THSD4: variants seen among roughly 807,000 people sequenced by gnomAD.
The protein encoded by THSD4 is thrombospondin type-1 domain-containing protein 4.
THSD4 carries 69 observed loss-of-function variants against 119.0 expected under a neutral mutation model. The observed-to-expected ratio is 0.58, with a 90% CI of 0.48 to 0.71. The LOEUF is 0.71. Among genes scored for constraint, THSD4 ranks in the 30% least tolerant of loss-of-function variants. THSD4 has a pLI of 0.00. For missense variants in THSD4, 1,393 were observed against 1,391.1 expected (o/e 1.00, Z -0.02); for synonymous variants, 524 against 540.4 (o/e 0.97, Z 0.42).
intron 3 of THSD4, among the ~76,000 whole-genome samples, chr15:71,174,487 CG>C (rs2043423115): frequency 1.5e-5 from 2 of 130,566 alleles, no homozygotes; most frequent in South Asian, 3.0e-4. Context: ...GAGGGTCCTA[CG>C]CCCACGGAAT....
intron 3 of THSD4, among the ~76,000 whole-genome samples, chr15:71,193,013 G>A (rs115373030): frequency 9.9e-5 from 15 of 152,198 alleles, no homozygotes; most frequent in African/African-American, 3.6e-4. Flanking sequence ...AGAGAAATGA[G>A]CAGTGGGACC....
chr15:71,305,558 A>G (rs2045012477), intron 6 of THSD4, among the ~76,000 whole-genome samples: 1 of 152,232 alleles, frequency 6.6e-6, no homozygotes, highest in Admixed American at 6.5e-5. Flanking sequence ...CTTCAACGGT[A>G]TTCTACCTCT....
rs114638204 is a variant in THSD4, at chr15:71,433,429, A to G, written c.1152+21606A>G. Among the ~76,000 whole-genome samples, 691 of 149,966 alleles carry G rather than the reference A, an allele frequency of 4.6e-3. 6 individuals carry two copies. The highest frequency in any genetic ancestry group is 0.016 in the African/African-American group (664 of 40,928). ...TTAATTGCTTATGGGGAACAAAACTAGCCATTTAAGTTAACTTTTTTTCTT... is the reference window on the plus strand; with the variant it reads ...TTAATTGCTTATGGGGAACAAAACTGGCCATTTAAGTTAACTTTTTTTCTT... On this transcript the variant is annotated intron_variant, in intron 7 of 17. Transcript: ENST00000261862.
intron 16 of THSD4, 129 bp from the exon 17 acceptor site, chr15:71,770,935 C>G (rs2053811726): frequency 7.3e-7 from 1 of 1,366,924 alleles, no homozygotes; most frequent in Non-Finnish European, 1.0e-6. Flanking sequence ...TTGATAGGTA[C>G]ATGGGAGTTT....
chr15:71,685,667 G>T (rs1003024216), intron 8 of THSD4, among the ~76,000 whole-genome samples: 15 of 152,078 alleles, frequency 9.9e-5, no homozygotes, highest in Admixed American at 7.2e-4. Context: ...ATATGTAGTT[G>T]GAAAATAGAG....
chr15:71,647,379 C>A (rs1243217385), intron 7 of THSD4, among the ~76,000 whole-genome samples: 1 of 152,092 alleles, frequency 6.6e-6, no homozygotes, highest in Admixed American at 6.6e-5. Context: ...GACAGATAAC[C>A]CTGTTCTTAG....
intron 7 of THSD4, 43 bp from the exon 8 acceptor site, chr15:71,660,487 C>G: frequency 6.2e-7 from 1 of 1,611,652 alleles, no homozygotes; most frequent in Non-Finnish European, 8.5e-7. Flanking sequence ...TCTGCATGCT[C>G]CTGATACATA....
chr15:71,719,927 C>T (rs566720473), intron 8 of THSD4, among the ~76,000 whole-genome samples: 48 of 152,072 alleles, frequency 3.2e-4, no homozygotes, highest in Admixed American at 6.5e-4. Flanking sequence ...CTGCCTGCCT[C>T]GGCCTCGCAA....
intron 7 of THSD4, among the ~76,000 whole-genome samples, chr15:71,536,424 A>G (rs1395419140): frequency 6.6e-6 from 1 of 152,160 alleles, no homozygotes. Flanking sequence ...ATAATCTAAA[A>G]TAATCTCTGT....
intron 7 of THSD4, among the ~76,000 whole-genome samples, chr15:71,437,188 G>A (rs2047024343): frequency 1.3e-5 from 2 of 152,164 alleles, no homozygotes; most frequent in South Asian, 2.1e-4. Flanking sequence ...ACTCTTTTAA[G>A]CAATCAGATC....
chr15:71,715,442 C>T (rs899671436), intron 8 of THSD4, among the ~76,000 whole-genome samples: 1 of 152,200 alleles, frequency 6.6e-6, no homozygotes, highest in African/African-American at 2.4e-5. Flanking sequence ...TTAGTCCTAA[C>T]TTTTGGAATT....
intron 3 of THSD4, among the ~76,000 whole-genome samples, chr15:71,204,996 G>A (rs537025644): frequency 7.9e-4 from 120 of 152,288 alleles, no homozygotes; most frequent in Middle Eastern, 3.4e-3. Context: ...TTCTTTTTGA[G>A]TAGCCCATAG....
intron 7 of THSD4, among the ~76,000 whole-genome samples, chr15:71,494,895 T>A (rs535751269): frequency 1.6e-4 from 25 of 152,336 alleles, no homozygotes; most frequent in African/African-American, 5.8e-4. Context: ...TTTTGGCATC[T>A]GTTTCTCTTT....
intron 6 of THSD4, among the ~76,000 whole-genome samples, chr15:71,345,837 C>T (rs2045652134): frequency 6.6e-6 from 1 of 150,548 alleles, no homozygotes; most frequent in African/African-American, 2.4e-5. Context: ...CAGTCTCAAA[C>T]TTATATGGTA....
intron 6 of THSD4, among the ~76,000 whole-genome samples, chr15:71,377,619 C>T (rs141176418): frequency 1.0e-3 from 155 of 152,022 alleles, no homozygotes; most frequent in African/African-American, 3.2e-3. Flanking sequence ...AGAAAGAGGG[C>T]GGGCGTGATG....
intron 6 of THSD4, among the ~76,000 whole-genome samples, chr15:71,310,382 T>C (rs987980228): frequency 2.0e-5 from 3 of 152,172 alleles, no homozygotes; most frequent in Non-Finnish European, 4.4e-5. Context: ...GCCAGATTAA[T>C]TGGAGAAACA....
intron 1 of THSD4, among the ~76,000 whole-genome samples, chr15:71,116,096 C>T (rs1273111650): frequency 2.0e-5 from 3 of 152,138 alleles, no homozygotes; most frequent in Non-Finnish European, 4.4e-5. Context: ...GCCCGTGCGC[C>T]CCCCACCTCA....
intron 6 of THSD4, among the ~76,000 whole-genome samples, chr15:71,324,073 T>C (rs1263074070): frequency 1.3e-5 from 2 of 152,188 alleles, no homozygotes; most frequent in Middle Eastern, 3.2e-3. Context: ...ACTGCTCCCA[T>C]AGGAGCCTTT....
chr15:71,606,181 T>C (rs1174045812), intron 7 of THSD4, among the ~76,000 whole-genome samples: 2 of 152,252 alleles, frequency 1.3e-5, no homozygotes, highest in Non-Finnish European at 2.9e-5. Context: ...TGTTTTTGTT[T>C]TTGTTTTTTG....
Sources: allele counts gnomAD v4.1 joint callset (sites outside exome capture counted in the v4.1 genomes callset), GRCh38; gene constraint gnomAD v4.1.1; transcripts MANE v1.5; gene names NCBI Gene and HGNC (gene_info 2026-07-23, HGNC 2026-07-21).